Variants in SLC2A11 observed in about 807,000 individuals in gnomAD.
SLC2A11 encodes solute carrier family 2, facilitated glucose transporter member 11.
SLC2A11 carries 43 observed loss-of-function variants against 52.1 expected under a neutral mutation model. That is an observed-to-expected ratio of 0.82 (90% confidence interval 0.65 to 1.06). SLC2A11 has a LOEUF of 1.06. SLC2A11 is among the 50% of genes least tolerant of loss of function. The pLI, the probability that SLC2A11 is intolerant of heterozygous loss-of-function variation, is 0.00. For missense variants in SLC2A11, 582 were observed against 654.2 expected (o/e 0.89, Z 1.20); for synonymous variants, 261 against 277.6 (o/e 0.94, Z 0.59).
chr22:23,856,940 C>T (rs371651897), upstream of SLC2A11: 190 of 1,607,626 alleles, frequency 1.2e-4, 1 homozygote, highest in African/African-American at 2.3e-3. Flanking sequence ...CCGCATTCCG[C>T]CAAGTCTCTC....
intron 3 of SLC2A11, chr22:23,869,708 A>G (rs1184855601): frequency 2.8e-6 from 1 of 361,260 alleles, no homozygotes; most frequent in Non-Finnish European, 4.9e-6. Flanking sequence ...AAAATAACTG[A>G]GACTGGATAA....
chr22:23,860,576 A>G (rs1208214033), intron 1 of SLC2A11, among the ~76,000 whole-genome samples: 2 of 151,990 alleles, frequency 1.3e-5, no homozygotes, highest in East Asian at 3.9e-4. Flanking sequence ...TCTACTAAAA[A>G]TACAAAAATT....
intron 1 of SLC2A11, among the ~76,000 whole-genome samples, chr22:23,859,551 G>T (rs896613283): frequency 1.3e-5 from 2 of 151,924 alleles, no homozygotes; most frequent in African/African-American, 4.8e-5. Flanking sequence ...GCAGTGGCGC[G>T]ATCTGGGCTT....
intron 3 of SLC2A11, among the ~76,000 whole-genome samples, chr22:23,873,749 A>G (rs999449487): frequency 6.6e-6 from 1 of 152,178 alleles, no homozygotes; most frequent in Non-Finnish European, 1.5e-5. Flanking sequence ...TTATTAATGG[A>G]TTTATTAATT....
chr22:23,876,959 G>T, intron 4 of SLC2A11, 83 bp from the exon 5 acceptor site: 2 of 1,604,966 alleles, frequency 1.2e-6, no homozygotes, highest in Non-Finnish European at 8.5e-7. Flanking sequence ...ACAGTGCTGA[G>T]TGGGGCAGGG....
chr22:23,857,841 T>G (rs749082844), upstream of SLC2A11: 17 of 1,498,668 alleles, frequency 1.1e-5, no homozygotes, highest in African/African-American at 5.6e-5. Flanking sequence ...ACGGGTTTGC[T>G]CCTCTCAAAC....
chr22:23,861,627 G>C (rs6003928), intron 1 of SLC2A11, among the ~76,000 whole-genome samples: 1 of 151,978 alleles, frequency 6.6e-6, no homozygotes, highest in African/African-American at 2.4e-5. Context: ...CCTCATTGCA[G>C]AACATGCTGG....
intron 1 of SLC2A11, among the ~76,000 whole-genome samples, chr22:23,860,271 C>T (rs1406826765): frequency 6.6e-6 from 1 of 151,920 alleles, no homozygotes; most frequent in Admixed American, 6.6e-5. Flanking sequence ...AAAATTAGCC[C>T]AGCATGATGG....
At chr22:23,858,899 T>C (rs2031955290) in intron 1 of SLC2A11, among the ~76,000 whole-genome samples, 1 of 152,204 alleles carries the variant, frequency 6.6e-6, no homozygotes. Context: ...TTCACTGCTG[T>C]ATCCCAACAC....
upstream of SLC2A11, chr22:23,857,026 G>A (rs771365339): frequency 9.8e-5 from 139 of 1,411,816 alleles, no homozygotes; most frequent in Middle Eastern, 2.0e-4. Flanking sequence ...TAATTTTCCC[G>A]TCCTCTGGGG....
rs2032842288 is a variant in SLC2A11, at chr22:23,882,355, G to A, written c.695-104G>A. ...ACAGACAGACTCAGAGACAGAGAGT[G>A]AGCCAAGAAGGAAAGGAATGGTGGG... On this transcript the variant is annotated intron_variant, in intron 6 of 11. Coordinates refer to ENST00000316185, the MANE Select transcript of SLC2A11 (RefSeq NM_001024939.4). 3 of 1,029,610 alleles carry A rather than the reference G, an allele frequency of 2.9e-6. No individual in the cohort carries two copies. In the East Asian group the frequency reaches 7.8e-5, roughly 27 times the overall value. 63.8% of individuals were successfully genotyped at this position (1,029,610 alleles called of 1,614,324 possible). A position where few individuals can be genotyped will look rare whatever the true frequency, so the allele number is the denominator to read the frequency against.
intron 2 of SLC2A11, 103 bp from the exon 3 acceptor site, chr22:23,868,378 C>T: frequency 7.1e-7 from 1 of 1,413,352 alleles, no homozygotes; most frequent in Non-Finnish European, 9.7e-7. Context: ...GTTGTCATTG[C>T]CTGTTCTGCA....
intron 4 of SLC2A11, 40 bp from the exon 5 acceptor site, chr22:23,877,002 C>T: frequency 6.2e-7 from 1 of 1,613,272 alleles, no homozygotes; most frequent in Middle Eastern, 1.7e-4. Flanking sequence ...GTGGGGGTCC[C>T]AGCTGGTGGC....
At chr22:23,883,031 TG>T (rs1209049612) in intron 8 of SLC2A11, 162 bp downstream of exon 8, 2 of 722,454 alleles carry the variant, frequency 2.8e-6, no homozygotes, top group African/African-American at 3.5e-5. Flanking sequence ...GAGGCCGAGG[TG>T]GGTGGATCAC....
rs549838201 is a variant in SLC2A11, at chr22:23,874,604, C to T, written c.291-513C>T. Among the ~76,000 whole-genome samples the T allele has an allele frequency of 3.0e-3, 450 of 152,242 alleles. 3 individuals carry two copies. The highest frequency in any genetic ancestry group is 0.01 in the African/African-American group (419 of 41,534). ...AGCTGGGATTACAGGCATGTGCCAC[C>T]ATGCCTGGCTAATTTTGTATTTTTT... On this transcript the variant is annotated intron_variant, in intron 3 of 11. Transcript: ENST00000316185.
At chr22:23,865,111 A>AAAAAAC (rs1012733928) in intron 2 of SLC2A11, 1 of 149,636 alleles carries the variant, frequency 6.7e-6, no homozygotes, top group Non-Finnish European at 1.5e-5. Context: ...TCTCAAAAAA[A>AAAAAAC]AAAAAAAAAA....
chr22:23,857,192 C>A, upstream of SLC2A11: 1 of 794,746 alleles, frequency 1.3e-6, no homozygotes, highest in Non-Finnish European at 2.0e-6. Flanking sequence ...TGGCGACCGG[C>A]GCAGGGAATC....
rs780794321 is a variant in SLC2A11 at position 23,882,542 on chromosome 22, C to T, written c.778C>T (p.Arg260Cys). 5.6e-6 allele frequency: 9 copies of T among 1,608,286 alleles called. No homozygotes were observed. Among genetic ancestry groups the T allele is most frequent in the Admixed American group, 1.7e-5 (1 of 59,504 alleles). ...GGAGCGCGCTGCCTGCCAGGGCTGCCGTGCCCGGCGCCCATGGGAGCTGTT... is the reference window on the plus strand; with the variant it reads ...GGAGCGCGCTGCCTGCCAGGGCTGCTGTGCCCGGCGCCCATGGGAGCTGTT... ...EEERAACQGC[R>C]ARRPWELFQH... The change falls in exon 7 of 12, where the codon CGT (arginine) becomes TGT (cysteine). Residue 260 changes from arginine to cysteine, a missense_variant. Arg to Cys is a radical substitution (Grantham distance 180). Transcript: ENST00000316185.
chr22:23,869,795 A>G, intron 3 of SLC2A11: 1 of 545,906 alleles, frequency 1.8e-6, no homozygotes, highest in Non-Finnish European at 3.2e-6. Context: ...CAGCAGATGC[A>G]GTGTACCGTG....
Sources: gnomAD v4.1 joint callset for allele counts (sites outside exome capture counted in the v4.1 genomes callset) on GRCh38, gnomAD v4.1.1 for gene constraint, MANE v1.5 for transcripts, NCBI Gene and HGNC (gene_info 2026-07-23, HGNC 2026-07-21) for gene names.